GPR55: variants seen among roughly 807,000 people sequenced by gnomAD.
The protein encoded by GPR55 is G-protein coupled receptor 55.
A neutral mutation model predicts 7.9 loss-of-function variants in GPR55; 6 were observed. The ratio of observed to expected loss-of-function variants is 0.76; its 90% CI spans 0.41 to 1.49. The LOEUF (loss-of-function observed/expected upper bound fraction) is 1.49. GPR55 is among the 40% of genes most tolerant of loss of function. GPR55 has a pLI of 0.01. For missense variants in GPR55, 376 were observed against 406.0 expected (o/e 0.93, Z 0.63); for synonymous variants, 183 against 166.8 (o/e 1.10, Z -0.75).
intron 1 of GPR55, among the ~76,000 whole-genome samples, chr2:230,940,159 T>C (rs1169130288): frequency 6.6e-6 from 1 of 151,944 alleles, no homozygotes; most frequent in Non-Finnish European, 1.5e-5. Flanking sequence ...CGGGAGGCCC[T>C]TCAGCCTGCA....
chr2:230,933,105 C>T (rs1691074855), intron 1 of GPR55, among the ~76,000 whole-genome samples: 1 of 72,326 alleles, frequency 1.4e-5, no homozygotes, highest in African/African-American at 7.0e-5. Flanking sequence ...CCCTGCTACC[C>T]TCCATCACTG....
At chr2:230,935,458 C>G (rs1691118923) in intron 1 of GPR55, among the ~76,000 whole-genome samples, 1 of 152,164 alleles carries the variant, frequency 6.6e-6, no homozygotes, top group Non-Finnish European at 1.5e-5. Flanking sequence ...AGGGGTTTTG[C>G]CCAGTTGATT....
intron 1 of GPR55, among the ~76,000 whole-genome samples, chr2:230,932,387 G>A (rs959784140): frequency 5.3e-5 from 8 of 152,246 alleles, no homozygotes; most frequent in East Asian, 3.9e-4. Context: ...CTTAATTTGT[G>A]CATTATATCA....
At chr2:230,954,487 T>C (rs1249664849) in intron 1 of GPR55, among the ~76,000 whole-genome samples, 3 of 152,220 alleles carry the variant, frequency 2.0e-5, no homozygotes, top group Non-Finnish European at 4.4e-5. Flanking sequence ...TTTTAATTTT[T>C]GTGGGTAATA....
At position 230,944,881 on chromosome 2, in the gene GPR55, A is replaced by G. The variant is rs1483722842; in HGVS notation, c.-135+15894T>C. On this transcript the variant is annotated intron_variant, in intron 1 of 1. Transcript: ENST00000392039. The surrounding 1 kb of genome is among the most constrained non-coding windows in gnomAD (Gnocchi z 4.2). ...CAAGAATCATTCTTGATGCCCTGCA[A>G]ATACCAGGCGCTGCGCTAGGCCCTG... Among the ~76,000 whole-genome samples the G allele has an allele frequency of 1.3e-5, 2 of 152,200 alleles. No individual in the cohort carries two copies. Among genetic ancestry groups the G allele is most frequent in the African/African-American group, 4.8e-5 (2 of 41,436 alleles).
At position 230,909,840 on chromosome 2, in the gene GPR55, C is replaced by A. The variant is rs972499809; in HGVS notation, c.*163G>T. The A allele has an allele frequency of 2.8e-6, 2 of 715,608 alleles. No homozygotes were observed. The highest frequency in any genetic ancestry group is 4.7e-6 in the Non-Finnish European group (2 of 428,744). The allele number at this position is 715,608 out of a possible 1,614,324, so 44.3% of individuals were successfully genotyped here. ...GCTGTCTGGGCAGTGGAAAAAAGGT[C>A]TTTGGGGTATAATGAGCAAAGCTGG... On this transcript the variant is annotated 3_prime_UTR_variant, in exon 2 of 2. Transcript: ENST00000650999.
intron 1 of GPR55, among the ~76,000 whole-genome samples, chr2:230,943,831 C>A (rs1000691475): frequency 9.2e-5 from 14 of 152,246 alleles, no homozygotes; most frequent in Non-Finnish European, 5.9e-5. Flanking sequence ...GCCGCTTCCT[C>A]TTCGCCTTCT....
Position 230,907,732 on chromosome 2 carries a change from T to G in GPR55, c.*2271A>C, listed in dbSNP as rs1275064845. 7 of 152,332 alleles carry G rather than the reference T, an allele frequency of 4.6e-5. No homozygotes were observed. Among genetic ancestry groups the G allele is most frequent in the African/African-American group, 1.4e-4 (6 of 41,446 alleles). 9.4% of individuals were successfully genotyped at this position (152,332 alleles called of 1,614,324 possible). ...CCCTACATGATCAGGTCCTCTCAGC[T>G]GTCTAGAGCCCTTTCTGTCACCTGG... On this transcript the variant is annotated 3_prime_UTR_variant, in exon 2 of 2. Transcript: ENST00000650999.
chr2:230,943,750 G>C (rs1020998583), intron 1 of GPR55, among the ~76,000 whole-genome samples: 2 of 152,066 alleles, frequency 1.3e-5, no homozygotes, highest in African/African-American at 2.4e-5. Flanking sequence ...TCCTTCTTGC[G>C]AGATCTGGCT....
At chr2:230,918,788 G>A (rs940129258) in intron 1 of GPR55, among the ~76,000 whole-genome samples, 4 of 152,100 alleles carry the variant, frequency 2.6e-5, no homozygotes, top group Non-Finnish European at 4.4e-5. Flanking sequence ...CATCATTAGA[G>A]CAAAAATAAA....
In GPR55 at chr2:230,954,460, G is replaced by A. The variant is rs537902460; in HGVS notation, c.-135+6315C>T. 9.2e-5 allele frequency among the ~76,000 whole-genome samples: 14 copies of A among 152,174 alleles called. 1 individual carries two copies. The highest frequency in any genetic ancestry group is 3.9e-4 in the East Asian group (2 of 5,180). ...TCCATGCCACTGGCCGAAGCCTCCC[G>A]GCCTTAAACTTTTTATTTTTAATTT... On this transcript the variant is annotated intron_variant, in intron 1 of 1. Coordinates refer to the GPR55 transcript ENST00000392039.
chr2:230,943,061 G>A (rs1026852907), intron 1 of GPR55, among the ~76,000 whole-genome samples: 3 of 151,672 alleles, frequency 2.0e-5, no homozygotes, highest in Non-Finnish European at 4.4e-5. Context: ...AGAGGAGGGA[G>A]AGAGAAAAGA....
chr2:230,938,809 C>T (rs1691174000), intron 1 of GPR55, among the ~76,000 whole-genome samples: 1 of 152,172 alleles, frequency 6.6e-6, no homozygotes, highest in Non-Finnish European at 1.5e-5. Context: ...TCATTTAGGG[C>T]AGGAGACAAA....
chr2:230,945,860 C>A (rs1201065044), intron 1 of GPR55, among the ~76,000 whole-genome samples: 1 of 152,234 alleles, frequency 6.6e-6, no homozygotes, highest in Admixed American at 6.5e-5. Flanking sequence ...GCTGAGCCAC[C>A]ACGCCCGGTC....
At chr2:230,939,904 A>G (rs1384604285) in intron 1 of GPR55, among the ~76,000 whole-genome samples, 1 of 151,978 alleles carries the variant, frequency 6.6e-6, no homozygotes, top group African/African-American at 2.4e-5. Flanking sequence ...CACAGGCTGA[A>G]GAGACATCAT....
chr2:230,917,879 A>T (rs1690751048), intron 1 of GPR55, among the ~76,000 whole-genome samples: 1 of 152,196 alleles, frequency 6.6e-6, no homozygotes, highest in Non-Finnish European at 1.5e-5. Flanking sequence ...AGTGAGAACT[A>T]CAAAACTAAA....
intron 1 of GPR55, among the ~76,000 whole-genome samples, chr2:230,947,595 C>G (rs1008978979): frequency 3.3e-5 from 5 of 151,518 alleles, no homozygotes; most frequent in Admixed American, 3.3e-4. Flanking sequence ...CCTCGACATC[C>G]CAGGCTCAAG....
chr2:230,934,860 TC>T (rs1159791983), intron 1 of GPR55, among the ~76,000 whole-genome samples: 2 of 152,202 alleles, frequency 1.3e-5, no homozygotes, highest in Non-Finnish European at 2.9e-5. Context: ...AGTCGGGGTT[TC>T]CCACCCTGAC....
chr2:230,946,092 A>G (rs1393361892), intron 1 of GPR55, among the ~76,000 whole-genome samples: 1 of 152,248 alleles, frequency 6.6e-6, no homozygotes, highest in Non-Finnish European at 1.5e-5. Context: ...CATCATGCTC[A>G]GTGAAATAAG....
Sources: allele counts gnomAD v4.1 joint callset (sites outside exome capture counted in the v4.1 genomes callset), GRCh38; gene constraint gnomAD v4.1.1; non-coding constraint Gnocchi (gnomAD v3.1); transcripts MANE v1.5; gene names NCBI Gene and HGNC (gene_info 2026-07-23, HGNC 2026-07-21).